ABR: variants seen among roughly 807,000 people sequenced by gnomAD.
ABR encodes the protein active breakpoint cluster region-related protein.
In ABR, 35 loss-of-function variants were observed where a neutral mutation model predicts 107.2. The observed-to-expected ratio is 0.33, with a 90% CI of 0.25 to 0.43. ABR has a LOEUF of 0.43. Among genes scored for constraint, ABR ranks in the 20% least tolerant of loss-of-function variants. The pLI is 1.00. For synonymous variants in ABR, 498 were observed against 462.0 expected, an observed-to-expected ratio of 1.08 and a Z score of -1.00; for missense variants, 815 against 1,115.2, an observed-to-expected ratio of 0.73 and a Z score of 3.83.
At chr17:1,048,838 G>A (rs867482136) in intron 16 of ABR, among the ~76,000 whole-genome samples, 5 of 152,210 alleles carry the variant, frequency 3.3e-5, no homozygotes, top group South Asian at 2.1e-4. Flanking sequence ...TCACGTCTGC[G>A]GCCACTGTCA....
intron 1 of ABR, among the ~76,000 whole-genome samples, chr17:1,147,031 T>C (rs993845644): frequency 2.6e-5 from 4 of 152,252 alleles, no homozygotes; most frequent in Admixed American, 1.3e-4. Context: ...CTCCTGTCTT[T>C]CTGGGCACAT....
chr17:1,024,932 T>C (rs545568940), intron 16 of ABR, among the ~76,000 whole-genome samples: 17 of 151,726 alleles, frequency 1.1e-4, no homozygotes, highest in African/African-American at 3.9e-4. Flanking sequence ...CCAGCCTGGC[T>C]AACACGGTGA....
At chr17:1,022,226 G>A (rs1048689047) in intron 16 of ABR, among the ~76,000 whole-genome samples, 5 of 152,172 alleles carry the variant, frequency 3.3e-5, no homozygotes, top group Non-Finnish European at 7.4e-5. Context: ...TGCCCTGGAG[G>A]GGCCGCGGAG....
intron 1 of ABR, among the ~76,000 whole-genome samples, chr17:1,203,569 A>C (rs1400911625): frequency 6.6e-6 from 1 of 152,038 alleles, no homozygotes; most frequent in East Asian, 1.9e-4. Context: ...CGGGCTGCCT[A>C]GTCCTCCAGG....
chr17:1,140,547 C>G (rs955421466), intron 1 of ABR, among the ~76,000 whole-genome samples: 5 of 152,210 alleles, frequency 3.3e-5, no homozygotes, highest in Non-Finnish European at 5.9e-5. Flanking sequence ...TCACCTACAA[C>G]AATAAGGACA....
chr17:1,129,380 A>G (rs1239426923), intron 1 of ABR, among the ~76,000 whole-genome samples: 2 of 151,888 alleles, frequency 1.3e-5, no homozygotes, highest in African/African-American at 4.8e-5. Context: ...GGCTACAAAA[A>G]AATTAGCCAG....
At chr17:1,136,970 C>T in intron 1 of ABR, among the ~76,000 whole-genome samples, 1 of 151,584 alleles carries the variant, frequency 6.6e-6, no homozygotes, top group East Asian at 1.9e-4. Flanking sequence ...CCTATCTTGG[C>T]TTTCAACAAG....
chr17:1,170,592 A>G (rs2041672564), intron 1 of ABR, among the ~76,000 whole-genome samples: 1 of 151,986 alleles, frequency 6.6e-6, no homozygotes. Context: ...GCCTGCCACC[A>G]TGCCTGGCTA....
intron 5 of ABR, among the ~76,000 whole-genome samples, chr17:1,080,950 C>T (rs1394835805): frequency 3.3e-5 from 5 of 152,130 alleles, no homozygotes; most frequent in Admixed American, 6.5e-5. Flanking sequence ...AGCACGTCAT[C>T]GAGTGAGTCA....
Position 1,010,713 on chromosome 17 carries a change from G to A in ABR, c.2236+16C>T, listed in dbSNP as rs376951032. 1 of 1,612,790 alleles carries A rather than the reference G, an allele frequency of 6.2e-7. No homozygotes were observed. Among genetic ancestry groups the A allele is most frequent in the Non-Finnish European group, 8.5e-7 (1 of 1,179,790 alleles). ...AGTCTGGCCCAGCCCAGTCCTAGGA[G>A]CCCTCAGGGCCTCACCGATGCCCTC... On this transcript the variant is annotated intron_variant, in intron 20 of 22. Transcript: ENST00000302538. This position sits in a 1 kb window ranked among gnomAD's most constrained non-coding sequence, Gnocchi z 4.1.
At chr17:1,194,214 G>C (rs1258751957) in intron 1 of ABR, among the ~76,000 whole-genome samples, 1 of 151,298 alleles carries the variant, frequency 6.6e-6, no homozygotes, top group African/African-American at 2.4e-5. Context: ...TTGAGACAGA[G>C]TCTCTCTCTG....
intron 1 of ABR, among the ~76,000 whole-genome samples, chr17:1,196,543 C>A (rs966931837): frequency 6.6e-6 from 1 of 152,006 alleles, no homozygotes; most frequent in Non-Finnish European, 1.5e-5. Flanking sequence ...TCACCCACCC[C>A]CTCCCTAAAT....
chr17:1,062,363 T>C (rs1370133427), intron 10 of ABR, among the ~76,000 whole-genome samples: 1 of 148,230 alleles, frequency 6.7e-6, no homozygotes, highest in African/African-American at 2.5e-5. Context: ...CTCTAGACGC[T>C]GCTGTTATGT....
rs112191441 is a variant in ABR, at chr17:1,094,132, G to A, written c.346-2282C>T. ...GGTCAGGCCTCTCCTTCTGACCCTC[G>A]CCGTCCTAGAACCAACGGCCCCTCG... On this transcript the variant is annotated intron_variant, in intron 3 of 22. Coordinates refer to ENST00000302538, the MANE Select transcript of ABR (RefSeq NM_021962.5). Among the ~76,000 whole-genome samples the A allele has an allele frequency of 9.1e-3, 1,303 of 143,634 alleles. 18 individuals carry two copies. The highest frequency in any genetic ancestry group is 0.034 in the African/African-American group (1,204 of 35,912). The allele number at this position is 143,634 out of a possible 152,430, so 94.2% of individuals were successfully genotyped here.
chr17:1,057,133 T>G, intron 12 of ABR, 31 bp from the exon 13 acceptor site: 1 of 1,476,378 alleles, frequency 6.8e-7, no homozygotes, highest in Non-Finnish European at 9.5e-7. Flanking sequence ...GAAGGGAGCG[T>G]GGGCACTGGT....
chr17:1,117,060 C>G (rs2039023480), intron 2 of ABR, among the ~76,000 whole-genome samples: 1 of 152,154 alleles, frequency 6.6e-6, no homozygotes, highest in Non-Finnish European at 1.5e-5. Flanking sequence ...CTGAAGAGAC[C>G]AAGAAAGGGA....
Position 1,058,029 on chromosome 17 carries a change from A to G in ABR, c.1322T>C (p.Leu441Pro). Residue 441 changes from leucine (L) to proline (P), a missense_variant, in exon 12 of 23, where the codon CTG (leucine) becomes CCG (proline). Leu to Pro is a moderately conservative substitution (Grantham distance 98). This residue lies in a region of ABR where 385 missense variants were observed against 596.9 expected (regional missense o/e 0.64). Coordinates refer to ENST00000302538, the MANE Select transcript of ABR (RefSeq NM_021962.5). The stretch of plus-strand genomic sequence containing the variant: ...CTCTGACCTCTCGTAGTCCGAGGAC[A>G]GTAGGAACAGGTAACTCTGAAGAGA... ...NRNGKSYLFL[L>P]SSDYERSEWR... The G allele has an allele frequency of 6.2e-7, 1 of 1,613,616 alleles. No homozygotes were observed. The highest frequency in any genetic ancestry group is 8.5e-7 in the Non-Finnish European group (1 of 1,179,680).
rs1555572357 is a variant in ABR, at chr17:1,092,904, C to CACTGCAAG, written c.346-1055_346-1054insCTTGCAGT. On this transcript the variant is annotated intron_variant, in intron 3 of 22. Transcript: ENST00000302538. The surrounding 1 kb of genome is among the most constrained non-coding windows in gnomAD (Gnocchi z 4.6). ...GGAGTGCAGTGGTGCGATCTCGGCTCCGCCTCCCGGGTTCACGCCATTCTC... is the reference window on the plus strand; with the variant it reads ...GGAGTGCAGTGGTGCGATCTCGGCTCACTGCAAGCGCCTCCCGGGTTCACGCCATTCTC... Among the ~76,000 whole-genome samples, 3 of 145,450 alleles carry CACTGCAAG rather than the reference C, an allele frequency of 2.1e-5. No individual in the cohort carries two copies. The highest frequency in any genetic ancestry group is 4.6e-5 in the Non-Finnish European group (3 of 65,318).
At chr17:1,172,895 TACAA>T (rs1267620157) in intron 1 of ABR, among the ~76,000 whole-genome samples, 2 of 151,718 alleles carry the variant, frequency 1.3e-5, no homozygotes, top group African/African-American at 2.4e-5. Flanking sequence ...CTCCCCCTGG[TACAA>T]ACAGTCACTT....
Sources: gnomAD v4.1 joint callset for allele counts (sites outside exome capture counted in the v4.1 genomes callset) on GRCh38, gnomAD v4.1.1 for gene constraint, gnomAD v4.1.1 regional missense constraint, Gnocchi (gnomAD v3.1) non-coding constraint, MANE v1.5 for transcripts, NCBI Gene and HGNC (gene_info 2026-07-23, HGNC 2026-07-21) for gene names.